Variants in NTM observed in about 807,000 individuals in gnomAD.
The protein encoded by NTM is neurotrimin.
In NTM, 13 loss-of-function variants were observed where a neutral mutation model predicts 42.1. That is an observed-to-expected ratio of 0.31 (90% CI 0.20 to 0.49). The LOEUF is 0.49. NTM is among the 20% of genes least tolerant of loss of function. The pLI is 0.99. For synonymous variants in NTM, 187 were observed against 179.2 expected, an observed-to-expected ratio of 1.04 and a Z score of -0.35; for missense variants, 373 against 452.8, an observed-to-expected ratio of 0.82 and a Z score of 1.60.
At chr11:131,415,137 G>A (rs902320853) in intron 1 of NTM, among the ~76,000 whole-genome samples, 2 of 152,238 alleles carry the variant, frequency 1.3e-5, no homozygotes, top group Admixed American at 6.5e-5. Flanking sequence ...ATGGGGTTGA[G>A]CTGTAATTGC....
chr11:132,012,909 T>G (rs2072549609), intron 2 of NTM, among the ~76,000 whole-genome samples: 1 of 152,090 alleles, frequency 6.6e-6, no homozygotes. Flanking sequence ...CTTAGGTGAC[T>G]TTTCGGAGAA....
intron 1 of NTM, chr11:131,777,062 C>A: frequency 5.3e-6 from 5 of 943,456 alleles, no homozygotes; most frequent in Non-Finnish European, 6.3e-6. Flanking sequence ...GTTGCTTCTG[C>A]CATACATAGA....
At chr11:132,210,378 T>C (rs113896789) in intron 3 of NTM, among the ~76,000 whole-genome samples, 7,272 of 152,274 alleles carry the variant, frequency 0.048, 311 homozygotes, top group East Asian at 0.13. Flanking sequence ...GCACACAGGT[T>C]GGGAAGGTGG....
chr11:131,496,857 C>T (rs992511179), intron 1 of NTM, among the ~76,000 whole-genome samples: 1 of 152,164 alleles, frequency 6.6e-6, no homozygotes. Flanking sequence ...ATGACAGCAA[C>T]TTGGGAACAG....
At chr11:131,465,443 C>T (rs1951793976) in intron 1 of NTM, among the ~76,000 whole-genome samples, 1 of 152,086 alleles carries the variant, frequency 6.6e-6, no homozygotes, top group South Asian at 2.1e-4. Flanking sequence ...CTGGTGAAGG[C>T]AGGAGGCTCC....
At chr11:131,426,934 C>T (rs985669719) in intron 1 of NTM, among the ~76,000 whole-genome samples, 5 of 152,162 alleles carry the variant, frequency 3.3e-5, no homozygotes, top group Admixed American at 6.5e-5. Context: ...TTATGAGATG[C>T]TGTCATTCTA....
chr11:132,197,463 TG>T (rs1161230380), intron 3 of NTM, among the ~76,000 whole-genome samples: 19 of 152,002 alleles, frequency 1.2e-4, no homozygotes, highest in Middle Eastern at 3.4e-3. Context: ...TATTAGGTAT[TG>T]TTTTTTTTTT....
At chr11:132,041,258 AAAGTG>A (rs2077164073) in intron 2 of NTM, among the ~76,000 whole-genome samples, 1 of 143,222 alleles carries the variant, frequency 7.0e-6, no homozygotes, top group Non-Finnish European at 1.5e-5. Context: ...AGAGAGAGAG[AAAGTG>A]AGAAGTGGTT....
intron 2 of NTM, among the ~76,000 whole-genome samples, chr11:131,969,567 T>C (rs576256506): frequency 1.3e-5 from 2 of 152,332 alleles, no homozygotes; most frequent in South Asian, 2.1e-4. Context: ...CCTTTCACTA[T>C]GGATTAGCCA....
At chr11:131,693,630 C>G (rs778867279) in intron 1 of NTM, among the ~76,000 whole-genome samples, 13 of 152,274 alleles carry the variant, frequency 8.5e-5, no homozygotes, top group Admixed American at 2.0e-4. Context: ...CCGTTTATTT[C>G]ACCTTCACTT....
chr11:131,555,107 A>G (rs1453627109), intron 1 of NTM, among the ~76,000 whole-genome samples: 1 of 152,156 alleles, frequency 6.6e-6, no homozygotes, highest in African/African-American at 2.4e-5. Flanking sequence ...AGCTGCAGTG[A>G]GCTATGGTCG....
At chr11:131,986,935 C>T (rs2066161934) in intron 2 of NTM, among the ~76,000 whole-genome samples, 1 of 151,978 alleles carries the variant, frequency 6.6e-6, no homozygotes, top group Admixed American at 6.6e-5. Context: ...AATTATTAGG[C>T]AAAGAAGATT....
intron 1 of NTM, among the ~76,000 whole-genome samples, chr11:131,731,209 T>C (rs2079642181): frequency 6.6e-6 from 1 of 152,182 alleles, no homozygotes; most frequent in Non-Finnish European, 1.5e-5. Flanking sequence ...CTCTTGACTC[T>C]AATTTTGCTC....
chr11:131,609,859 C>A (rs1236515641), intron 1 of NTM, among the ~76,000 whole-genome samples: 1 of 152,142 alleles, frequency 6.6e-6, no homozygotes, highest in Non-Finnish European at 1.5e-5. Context: ...GAGAAGGGAC[C>A]AAACACAGGC....
intron 1 of NTM, among the ~76,000 whole-genome samples, chr11:131,553,698 G>A (rs952659679): frequency 6.6e-6 from 1 of 152,046 alleles, no homozygotes; most frequent in Non-Finnish European, 1.5e-5. Flanking sequence ...GGTTGTTATT[G>A]GTGGTGTTTC....
chr11:131,906,790 TTCTC>T (rs771932802), intron 1 of NTM, among the ~76,000 whole-genome samples: 191 of 152,244 alleles, frequency 1.3e-3, no homozygotes, highest in South Asian at 2.7e-3. Context: ...TCCTTCTCAG[TTCTC>T]TCTATTTGTG....
At chr11:131,933,671 T>C (rs879199367) in intron 2 of NTM, among the ~76,000 whole-genome samples, 3 of 152,004 alleles carry the variant, frequency 2.0e-5, no homozygotes, top group Admixed American at 2.0e-4. Context: ...GGAAAGACTC[T>C]ATCTCAAAGC....
At chr11:132,077,981 T>C (rs1238966989) in intron 2 of NTM, among the ~76,000 whole-genome samples, 1 of 152,210 alleles carries the variant, frequency 6.6e-6, no homozygotes, top group Non-Finnish European at 1.5e-5. Flanking sequence ...TACTAATGTG[T>C]ATTGAACAAA....
At chr11:131,566,460 T>C (rs2056899164) in intron 1 of NTM, among the ~76,000 whole-genome samples, 1 of 152,114 alleles carries the variant, frequency 6.6e-6, no homozygotes, top group Admixed American at 6.6e-5. Context: ...TCTGTGTGTG[T>C]GTGCACGTGT....
Sources: allele counts gnomAD v4.1 joint callset (sites outside exome capture counted in the v4.1 genomes callset), GRCh38; gene constraint gnomAD v4.1.1; transcripts MANE v1.5; gene names NCBI Gene and HGNC (gene_info 2026-07-23, HGNC 2026-07-21).